The following ESCO2 variants were observed in gnomAD, a reference collection of about 807,000 sequenced individuals.
ESCO2 encodes N-acetyltransferase ESCO2.
In ESCO2, 51 loss-of-function variants were observed where a neutral mutation model predicts 61.7. The observed-to-expected ratio is 0.83, with a 90% CI of 0.66 to 1.04. ESCO2 has a LOEUF of 1.04. Among genes scored for constraint, ESCO2 ranks in the 50% least tolerant of loss-of-function variants. The pLI is 0.00. For missense variants in ESCO2, 692 were observed against 686.2 expected (o/e 1.01, Z -0.09); for synonymous variants, 230 against 238.2 (o/e 0.97, Z 0.32).
Position 27,792,070 on chromosome 8 carries a change from T to C in ESCO2, c.1353+18T>C, listed in dbSNP as rs767641053. 1.2e-6 allele frequency: 2 copies of C among 1,613,152 alleles called. No homozygotes were observed. Among genetic ancestry groups the C allele is most frequent in the South Asian group, 1.1e-5 (1 of 91,058 alleles). On this transcript the variant is annotated intron_variant, in intron 8 of 10. Transcript: ENST00000305188. ...TCAAAAAGGTATGGAACATTATCTT[T>C]TTATCTCTTGCCTTTCCCCACCCCC...
At chr8:27,787,075 G>T (rs1805063266) in intron 5 of ESCO2, among the ~76,000 whole-genome samples, 3 of 152,038 alleles carry the variant, frequency 2.0e-5, no homozygotes, top group African/African-American at 7.2e-5. Context: ...TTCTTTGATG[G>T]AGTAGAGGTT....
downstream of ESCO2, among the ~76,000 whole-genome samples, chr8:27,816,975 G>T (rs1292496390): frequency 6.6e-6 from 1 of 152,070 alleles, no homozygotes; most frequent in Non-Finnish European, 1.5e-5. Context: ...ACAGTAAAAA[G>T]ATTGATATTT....
At chr8:27,795,716 G>A (rs911209467) in intron 9 of ESCO2, among the ~76,000 whole-genome samples, 10 of 152,154 alleles carry the variant, frequency 6.6e-5, no homozygotes, top group Admixed American at 1.3e-4. Flanking sequence ...TTCTTATCAT[G>A]AAAGGATGTT....
chr8:27,806,727 G>A (rs6997391), downstream of ESCO2, among the ~76,000 whole-genome samples: 1,404 of 150,106 alleles, frequency 9.4e-3, 25 homozygotes, highest in African/African-American at 0.033. Flanking sequence ...TCAAGCTATT[G>A]TCTGCCTCAG....
At chr8:27,780,104 C>A in intron 3 of ESCO2, 70 bp from the exon 4 acceptor site, 1 of 867,224 alleles carries the variant, frequency 1.2e-6, no homozygotes, top group Non-Finnish European at 1.9e-6. Context: ...AATAGATCTG[C>A]TGGGATTCAT....
intron 4 of ESCO2, among the ~76,000 whole-genome samples, chr8:27,780,527 C>T (rs1461162283): frequency 6.6e-6 from 1 of 152,214 alleles, no homozygotes; most frequent in Non-Finnish European, 1.5e-5. Context: ...GGCCAAGTTA[C>T]TTAAGCTCTC....
At chr8:27,795,148 A>G (rs1048397323) in intron 9 of ESCO2, among the ~76,000 whole-genome samples, 2 of 152,226 alleles carry the variant, frequency 1.3e-5, no homozygotes, top group African/African-American at 2.4e-5. Context: ...CTTTCAAGCC[A>G]TGAACACTGG....
intron 10 of ESCO2, among the ~76,000 whole-genome samples, chr8:27,802,118 A>C (rs973691365): frequency 6.9e-6 from 1 of 144,310 alleles, no homozygotes; most frequent in Non-Finnish European, 1.5e-5. Flanking sequence ...ATTTTATAGA[A>C]TATCCCTCAA....
At chr8:27,778,643 T>G (rs1804854662) in intron 3 of ESCO2, 1 of 152,210 alleles carries the variant, frequency 6.6e-6, no homozygotes, top group African/African-American at 2.4e-5. Context: ...ATTATTCTTA[T>G]CTGTTTGGTA....
chr8:27,782,466 G>C (rs181400450), intron 4 of ESCO2, among the ~76,000 whole-genome samples: 3 of 152,232 alleles, frequency 2.0e-5, no homozygotes, highest in Middle Eastern at 3.4e-3. Flanking sequence ...GTTTCGCCAC[G>C]TTGGGCAGGG....
chr8:27,819,047 A>G, the ESCO2 span, among the ~76,000 whole-genome samples: 3 of 152,068 alleles, frequency 2.0e-5, no homozygotes, highest in Non-Finnish European at 2.9e-5. Context: ...CCTGACTCTC[A>G]TGTTCTATTT....
chr8:27,780,019 A>G (rs1406796811), intron 3 of ESCO2, 155 bp from the exon 4 acceptor site: 1 of 615,026 alleles, frequency 1.6e-6, no homozygotes, highest in East Asian at 2.9e-5. Context: ...AAGTTTTCCT[A>G]AAAATAGTTT....
chr8:27,803,615 G>A lies in ESCO2; in HGVS notation c.*177G>A. 1 of 1,368,906 alleles carries A rather than the reference G, an allele frequency of 7.3e-7. No individual in the cohort carries two copies. The highest frequency in any genetic ancestry group is 9.4e-7 in the Non-Finnish European group (1 of 1,068,150). 84.8% of individuals were successfully genotyped at this position (1,368,906 alleles called of 1,614,324 possible). ...TGTTCCTTATGAGTTGAAAAGTCAG[G>A]AATAAATTTGTTGAAAATTATCTGG... is the stretch of plus-strand genomic sequence containing the variant. On this transcript the variant is annotated 3_prime_UTR_variant, in exon 11 of 11. Coordinates refer to ENST00000305188, the MANE Select transcript of ESCO2 (RefSeq NM_001017420.3).
At chr8:27,801,969 A>ATT (rs34539100) in intron 10 of ESCO2, among the ~76,000 whole-genome samples, 11,191 of 83,764 alleles carry the variant, frequency 0.13, 1,991 homozygotes, top group Middle Eastern at 0.19. Flanking sequence ...CCTTCATGGC[A>ATT]TTTTTTTTTT....
upstream of ESCO2, chr8:27,772,773 G>A (rs1283906728): frequency 1.8e-6 from 1 of 552,176 alleles, no homozygotes; most frequent in Non-Finnish European, 3.2e-6. Flanking sequence ...GAAAGAGGCT[G>A]GGCATCTTGG....
rs147382595 is a variant in ESCO2, at chr8:27,780,116, C to A, written c.862-58C>A. The stretch of plus-strand genomic sequence containing the variant: ...AGAAATAGATCTGCTGGGATTCATT[C>A]ACTAGAAAATAGTTAAAAATTACAG... On this transcript the variant is annotated intron_variant, in intron 3 of 10. Transcript: ENST00000305188. The A allele has an allele frequency of 1.3e-4, 124 of 985,060 alleles. No individual in the cohort carries two copies. In the African/African-American group the frequency reaches 1.9e-3, roughly 15 times the overall value. The allele number at this position is 985,060 out of a possible 1,614,324, so 61.0% of individuals were successfully genotyped here. A position where few individuals can be genotyped will look rare whatever the true frequency, so the allele number is the denominator to read the frequency against.
At chr8:27,815,116 T>A (rs943726918), downstream of ESCO2, among the ~76,000 whole-genome samples, 1 of 152,072 alleles carries the variant, frequency 6.6e-6, no homozygotes, top group Non-Finnish European at 1.5e-5. Context: ...TCTCCAGAAC[T>A]GAAGGAAAGT....
chr8:27,813,815 A>C (rs1805753083), downstream of ESCO2, among the ~76,000 whole-genome samples: 1 of 152,170 alleles, frequency 6.6e-6, no homozygotes, highest in Non-Finnish European at 1.5e-5. Flanking sequence ...GTTGGTCAAG[A>C]TGTAGTGTTC....
chr8:27,802,630 A>AAAAAATAT (rs1554557661), intron 10 of ESCO2, among the ~76,000 whole-genome samples: 6 of 45,840 alleles, frequency 1.3e-4, no homozygotes, highest in South Asian at 1.1e-3. Context: ...AAAAAAAAAA[A>AAAAAATAT]ATATATATAT....
Sources: gnomAD v4.1 joint callset for allele counts (sites outside exome capture counted in the v4.1 genomes callset) on GRCh38, gnomAD v4.1.1 for gene constraint, MANE v1.5 for transcripts, NCBI Gene and HGNC (gene_info 2026-07-23, HGNC 2026-07-21) for gene names.